The following CDH13 variants were observed in gnomAD, a reference collection of about 807,000 sequenced individuals.
The protein encoded by CDH13 is cadherin-13.
Under a neutral mutation model 63.8 loss-of-function variants are expected in CDH13, and 24 were observed. That is an observed-to-expected ratio of 0.38 (90% CI 0.27 to 0.53). The LOEUF (loss-of-function observed/expected upper bound fraction) is 0.53, where lower values mean the gene tolerates loss of function less well. Among genes scored for constraint, CDH13 ranks in the 20% least tolerant of loss-of-function variants. CDH13 has a pLI of 0.85. For missense variants in CDH13, 1,049 were observed against 903.1 expected (o/e 1.16, Z -2.07); for synonymous variants, 503 against 355.3 (o/e 1.42, Z -4.67).
chr16:83,341,392 A>G (rs2090718954), intron 5 of CDH13, among the ~76,000 whole-genome samples: 1 of 152,224 alleles, frequency 6.6e-6, no homozygotes, highest in African/African-American at 2.4e-5. Flanking sequence ...GAGAACAGTG[A>G]TGAAAACTCA....
At chr16:83,425,755 TTC>T (rs906234291) in intron 6 of CDH13, among the ~76,000 whole-genome samples, 17 of 147,174 alleles carry the variant, frequency 1.2e-4, no homozygotes, top group Admixed American at 4.2e-4. Flanking sequence ...CCTTCTTTCT[TTC>T]TCTTTTTCTT....
chr16:82,747,922 C>CT (rs554099046), intron 1 of CDH13, among the ~76,000 whole-genome samples: 1 of 152,166 alleles, frequency 6.6e-6, no homozygotes, highest in Non-Finnish European at 1.5e-5. Context: ...AGGCAACCTT[C>CT]TTTTTTAAAA....
intron 7 of CDH13, among the ~76,000 whole-genome samples, chr16:83,584,959 T>C (rs973784845): frequency 2.0e-5 from 3 of 152,268 alleles, no homozygotes; most frequent in African/African-American, 7.2e-5. Context: ...CACTCACTAC[T>C]GTGGGGGTGG....
chr16:83,051,142 GC>G (rs1567782831), intron 3 of CDH13, among the ~76,000 whole-genome samples: 1 of 152,114 alleles, frequency 6.6e-6, no homozygotes, highest in Non-Finnish European at 1.5e-5. Flanking sequence ...ATCATATCAT[GC>G]CCTCTTCAAA....
intron 7 of CDH13, among the ~76,000 whole-genome samples, chr16:83,573,406 G>T (rs1904824287): frequency 6.6e-6 from 1 of 152,212 alleles, no homozygotes; most frequent in African/African-American, 2.4e-5. Flanking sequence ...CTGTCAGCAT[G>T]GAGGTGACCA....
intron 3 of CDH13, among the ~76,000 whole-genome samples, chr16:83,082,949 A>G (rs1166979517): frequency 6.6e-6 from 1 of 151,122 alleles, no homozygotes; most frequent in Non-Finnish European, 1.5e-5. Context: ...GTGTGTTTTA[A>G]ACGGTGTCTT....
intron 2 of CDH13, among the ~76,000 whole-genome samples, chr16:82,897,287 C>G (rs950750872): frequency 1.3e-5 from 2 of 152,190 alleles, no homozygotes; most frequent in Admixed American, 6.5e-5. Flanking sequence ...GCTGGGGTAG[C>G]TGATCAATGT....
intron 8 of CDH13, among the ~76,000 whole-genome samples, chr16:83,624,424 C>T (rs943058434): frequency 6.6e-6 from 1 of 151,028 alleles, no homozygotes; most frequent in African/African-American, 2.4e-5. Flanking sequence ...TCACAGATGG[C>T]AGGGGTGGTG....
chr16:82,736,137 T>C (rs1358245645), intron 1 of CDH13, among the ~76,000 whole-genome samples: 1 of 152,224 alleles, frequency 6.6e-6, no homozygotes, highest in Non-Finnish European at 1.5e-5. Flanking sequence ...CTTTCTATGT[T>C]TCTCCTTTGC....
At chr16:83,338,179 CTT>C (rs1394669405) in intron 5 of CDH13, among the ~76,000 whole-genome samples, 1 of 51,190 alleles carries the variant, frequency 2.0e-5, no homozygotes, top group African/African-American at 8.7e-5. Context: ...TAGTCCTCTT[CTT>C]TTTAAAAAAA....
At chr16:83,218,423 A>G (rs2039601873) in intron 5 of CDH13, among the ~76,000 whole-genome samples, 1 of 152,102 alleles carries the variant, frequency 6.6e-6, no homozygotes, top group Non-Finnish European at 1.5e-5. Flanking sequence ...TCACCTGTCA[A>G]TGAGAACTGA....
At chr16:83,559,095 TA>T (rs1477055584) in intron 7 of CDH13, among the ~76,000 whole-genome samples, 1 of 152,172 alleles carries the variant, frequency 6.6e-6, no homozygotes, top group African/African-American at 2.4e-5. Flanking sequence ...GCTATCATGT[TA>T]AGATCCACTG....
intron 11 of CDH13, among the ~76,000 whole-genome samples, chr16:83,757,091 G>C (rs542156189): frequency 6.6e-6 from 1 of 152,218 alleles, no homozygotes; most frequent in Non-Finnish European, 1.5e-5. Flanking sequence ...AATCACAATG[G>C]AATTAAACTA....
intron 5 of CDH13, among the ~76,000 whole-genome samples, chr16:83,276,918 G>A (rs1347672276): frequency 6.6e-6 from 1 of 152,116 alleles, no homozygotes; most frequent in South Asian, 2.1e-4. Flanking sequence ...ATGTTGGCAG[G>A]CAGAGAGAGT....
intron 2 of CDH13, among the ~76,000 whole-genome samples, chr16:83,006,219 C>CT (rs1832753574): frequency 6.6e-6 from 1 of 152,102 alleles, no homozygotes; most frequent in Admixed American, 6.6e-5. Context: ...AAAAAAGACC[C>CT]AACACAATAG....
At chr16:82,717,134 T>A (rs1295360461) in intron 1 of CDH13, among the ~76,000 whole-genome samples, 1 of 152,054 alleles carries the variant, frequency 6.6e-6, no homozygotes, top group African/African-American at 2.4e-5. Context: ...CTGCCTTTCA[T>A]TCAACAGGAC....
intron 1 of CDH13, among the ~76,000 whole-genome samples, chr16:82,791,954 C>G (rs766416456): frequency 6.6e-6 from 1 of 152,122 alleles, no homozygotes; most frequent in Non-Finnish European, 1.5e-5. Context: ...CTTGGGAGCT[C>G]TAAGAACAAA....
At chr16:82,736,820 A>G (rs2033697229) in intron 1 of CDH13, among the ~76,000 whole-genome samples, 2 of 151,972 alleles carry the variant, frequency 1.3e-5, no homozygotes, top group Non-Finnish European at 2.9e-5. Flanking sequence ...TAAGAGAAGG[A>G]CTCTTGATGG....
chr16:82,936,419 G>C (rs1181282985), intron 2 of CDH13, among the ~76,000 whole-genome samples: 3 of 152,068 alleles, frequency 2.0e-5, no homozygotes, highest in Non-Finnish European at 4.4e-5. Flanking sequence ...AGAATGTAAT[G>C]CCTGATGATC....
Sources: allele counts gnomAD v4.1 joint callset (sites outside exome capture counted in the v4.1 genomes callset), GRCh38; gene constraint gnomAD v4.1.1; transcripts MANE v1.5; gene names NCBI Gene and HGNC (gene_info 2026-07-23, HGNC 2026-07-21).